The following ZFYVE19 variants were observed in gnomAD, a reference collection of about 807,000 sequenced individuals.
ZFYVE19 encodes the protein zinc finger FYVE-type containing 19.
A neutral mutation model predicts 62.8 loss-of-function variants in ZFYVE19; 49 were observed. That is an observed-to-expected ratio of 0.78 (90% CI 0.62 to 0.99). The LOEUF (loss-of-function observed/expected upper bound fraction) is 0.99, where lower values mean the gene tolerates loss of function less well. Among genes scored for constraint, ZFYVE19 ranks in the 50% least tolerant of loss-of-function variants. The pLI is 0.00. For synonymous variants in ZFYVE19, 242 were observed against 234.3 expected, an observed-to-expected ratio of 1.03 and a Z score of -0.30; for missense variants, 630 against 601.9, an observed-to-expected ratio of 1.05 and a Z score of -0.49.
chr15:40,814,662 G>A lies in ZFYVE19; in HGVS notation c.*436G>A, dbSNP rs189473635. On this transcript the variant is annotated 3_prime_UTR_variant, in exon 11 of 11. Transcript: ENST00000355341. The stretch of plus-strand genomic sequence containing the variant: ...TGTAAGCACAGTTGTGGGGAATGGG[G>A]GAAAAGGTTGAGCCATCCTATGAAC... 8.6e-4 allele frequency: 170 copies of A among 198,766 alleles called. No homozygotes were observed. Among genetic ancestry groups the A allele is most frequent in the African/African-American group, 3.7e-3 (160 of 42,784 alleles). The allele number at this position is 198,766 out of a possible 1,614,324, so 12.3% of individuals were successfully genotyped here.
Position 40,813,381 on chromosome 15 carries a change from G to A in ZFYVE19, c.1074G>A (p.Glu358=). 6.2e-7 allele frequency: 1 copy of A among 1,611,854 alleles called. No individual in the cohort carries two copies. Among genetic ancestry groups the A allele is most frequent in the Non-Finnish European group, 8.5e-7 (1 of 1,179,078 alleles). ...GCCTCCCAGACAGTGATGACGACGA[G>A]GATGAGGAGACAGCCATCCAAAGAG... is the stretch of plus-strand genomic sequence containing the variant. ...DYRLPDSDDD[E]DEETAIQRVL... is the part of the protein sequence containing the mutation. The change falls in exon 8 of 11, where the codon GAG becomes GAA. Residue 358 remains glutamate, a synonymous_variant. Transcript: ENST00000355341.
Position 40,813,381 on chromosome 15 carries a change from G to C in ZFYVE19, c.1074G>C (p.Glu358Asp). The C allele has an allele frequency of 1.2e-6, 2 of 1,611,854 alleles. No individual in the cohort carries two copies. Among genetic ancestry groups the C allele is most frequent in the Non-Finnish European group, 1.7e-6 (2 of 1,179,078 alleles). ...GCCTCCCAGACAGTGATGACGACGA[G>C]GATGAGGAGACAGCCATCCAAAGAG... The part of the protein sequence containing the change: ...DYRLPDSDDD[E>D]DEETAIQRVL... The change falls in exon 8 of 11, where the codon GAG (glutamate) becomes GAC (aspartate). Residue 358 changes from glutamate to aspartate, a missense_variant. Physicochemically the swap from Glu to Asp is conservative, Grantham distance 45 (BLOSUM62 2). Transcript: ENST00000355341.
chr15:40,814,646 A>C lies in ZFYVE19; in HGVS notation c.*420A>C, dbSNP rs1890613622. 1 of 214,152 alleles carries C rather than the reference A, an allele frequency of 4.7e-6. No homozygotes were observed. Among genetic ancestry groups the C allele is most frequent in the Non-Finnish European group, 9.6e-6 (1 of 104,508 alleles). 13.3% of individuals were successfully genotyped at this position (214,152 alleles called of 1,614,324 possible). A position where few individuals can be genotyped will look rare whatever the true frequency, so the allele number is the denominator to read the frequency against. On this transcript the variant is annotated 3_prime_UTR_variant, in exon 11 of 11. Coordinates refer to ENST00000355341, the MANE Select transcript of ZFYVE19 (RefSeq NM_001077268.2). Reference sequence around the variant, plus strand: ...CAGGAACAGAGCAGGCTGTAAGCACAGTTGTGGGGAATGGGGGAAAAGGTT... The same window carrying C: ...CAGGAACAGAGCAGGCTGTAAGCACCGTTGTGGGGAATGGGGGAAAAGGTT...
Position 40,807,783 on chromosome 15 carries a change from G to A in ZFYVE19, c.194G>A (p.Ser65Asn), listed in dbSNP as rs764911700. Residue 65 changes from serine to asparagine, a missense_variant, in exon 1 of 11, where the codon AGC becomes AAC. Coordinates refer to ENST00000355341, the MANE Select transcript of ZFYVE19 (RefSeq NM_001077268.2). ...RGPGLGRRDLSSADPAVLGAT... is the reference protein window; with the variant it reads ...RGPGLGRRDLNSADPAVLGAT... ...CCAGGACTTGGCCGGCGTGATCTCA[G>A]CTCTGCAGACCCTGCGGTGCTGGGA... The A allele has an allele frequency of 6.3e-6, 10 of 1,577,764 alleles. No homozygotes were observed. The East Asian group carries it at 2.2e-4, about 35-fold the overall frequency.
In ZFYVE19 at chr15:40,809,233, C is replaced by T; in HGVS notation, c.394C>T (p.Leu132=). 6.2e-7 allele frequency: 1 copy of T among 1,614,198 alleles called. No homozygotes were observed. Residue 132 remains leucine, a synonymous_variant, in exon 2 of 11, where the codon CTG becomes TTG. Coordinates refer to ENST00000355341, the MANE Select transcript of ZFYVE19 (RefSeq NM_001077268.2). ...AGTCTGCAAGCAATGCCATGAGGTCCTGACCAGGTAAGAGGCAGGCATGGG... is the reference window on the plus strand; with the variant it reads ...AGTCTGCAAGCAATGCCATGAGGTCTTGACCAGGTAAGAGGCAGGCATGGG... ...QKVCKQCHEV[L]TRGSSANASK... is the part of the protein sequence containing the mutation.
At chr15:40,810,301 A>G (rs1426871130) in intron 5 of ZFYVE19, 85 bp downstream of exon 5, 2 of 1,541,334 alleles carry the variant, frequency 1.3e-6, no homozygotes, top group Non-Finnish European at 1.7e-6. Flanking sequence ...GGGTGATACA[A>G]AAGTAATTGT....
chr15:40,809,255 T>G lies in ZFYVE19; in HGVS notation c.401+15T>G, dbSNP rs773997279. ...GTCCTGACCAGGTAAGAGGCAGGCATGGGTGAAAGTTCAGCCAAGTATGGC... is the reference window on the plus strand; with the variant it reads ...GTCCTGACCAGGTAAGAGGCAGGCAGGGGTGAAAGTTCAGCCAAGTATGGC... On this transcript the variant is annotated intron_variant, in intron 2 of 10. Transcript: ENST00000355341. 1.7e-5 allele frequency: 28 copies of G among 1,613,632 alleles called. No homozygotes were observed. In the African/African-American group the frequency reaches 2.1e-4, roughly 12 times the overall value.
In ZFYVE19 at chr15:40,813,937, C is replaced by G; in HGVS notation, c.1210-6C>G. Reference sequence around the variant, plus strand: ...TACTTCCTCCATTCCTCTCTGATCCCTGAAGGCCCAGGATGTGGACCCCAG... The same window carrying G: ...TACTTCCTCCATTCCTCTCTGATCCGTGAAGGCCCAGGATGTGGACCCCAG... On this transcript the variant is annotated splice_region_variant and splice_polypyrimidine_tract_variant and intron_variant, in intron 9 of 10. Transcript: ENST00000355341. 6.2e-7 allele frequency: 1 copy of G among 1,602,870 alleles called. No individual in the cohort carries two copies. The highest frequency in any genetic ancestry group is 1.1e-5 in the South Asian group (1 of 89,270).
In ZFYVE19 at chr15:40,808,143, C is replaced by T. The variant is rs116851582; in HGVS notation, c.279+275C>T. ...TTGCAAAGCTACTCTTTTCTGTCGG[C>T]CCAGTGTAGCATCTGGCGGTTTTCT... On this transcript the variant is annotated intron_variant, in intron 1 of 10. Transcript: ENST00000355341. 1.8e-3 allele frequency: 2,030 copies of T among 1,114,190 alleles called. 64 individuals are homozygous for T. In the East Asian group the frequency reaches 0.038, roughly 21 times the overall value. 69.0% of individuals were successfully genotyped at this position (1,114,190 alleles called of 1,614,324 possible).
intron 6 of ZFYVE19, 106 bp from the exon 7 acceptor site, chr15:40,812,593 A>T (rs1890527809): frequency 1.2e-6 from 1 of 808,126 alleles, no homozygotes; most frequent in Non-Finnish European, 1.9e-6. Context: ...AAGAAAGAAA[A>T]AATTATTAAA....
chr15:40,807,528 C>A lies in ZFYVE19; in HGVS notation c.-62C>A. ...ACTGCAGGCTCCGAGCGGCGCCTAG[C>A]CCTCTGGGAATTGTGTTCTGGGTCA... On this transcript the variant is annotated 5_prime_UTR_variant, in exon 1 of 11. Transcript: ENST00000355341. 6.2e-7 allele frequency: 1 copy of A among 1,604,902 alleles called. No homozygotes were observed. Among genetic ancestry groups the A allele is most frequent in the South Asian group, 1.1e-5 (1 of 90,202 alleles).
Position 40,814,607 on chromosome 15 carries a change from C to T in ZFYVE19, c.*381C>T. ...TTTCTACAACCCTATGAGCCTGGGC[C>T]CTGTGAGAGGTGGCAGGAACAGAGC... On this transcript the variant is annotated 3_prime_UTR_variant, in exon 11 of 11. Transcript: ENST00000355341. The T allele has an allele frequency of 1.1e-5, 3 of 276,380 alleles. 1 individual carries two copies. The highest frequency in any genetic ancestry group is 2.1e-5 in the Non-Finnish European group (3 of 140,836). The allele number at this position is 276,380 out of a possible 1,614,324, so 17.1% of individuals were successfully genotyped here. A position where few individuals can be genotyped will look rare whatever the true frequency, so the allele number is the denominator to read the frequency against.
intron 1 of ZFYVE19, chr15:40,808,084 T>A: frequency 1.1e-6 from 1 of 908,262 alleles, no homozygotes; most frequent in Non-Finnish European, 1.6e-6. Context: ...AGGTGAGAGT[T>A]CCCTATAAAC....
Position 40,807,547 on chromosome 15 carries a change from T to C in ZFYVE19, c.-43T>C. 8 of 1,604,540 alleles carry C rather than the reference T, an allele frequency of 5.0e-6. No homozygotes were observed. The highest frequency in any genetic ancestry group is 6.0e-6 in the Non-Finnish European group (7 of 1,174,032). On this transcript the variant is annotated 5_prime_UTR_variant, in exon 1 of 11. Transcript: ENST00000355341. ...GCCTAGCCCTCTGGGAATTGTGTTC[T>C]GGGTCAGGCTTGACTGACTCTGAGG...
At chr15:40,812,557 A>AAAAAAGAAAG in intron 6 of ZFYVE19, 142 bp from the exon 7 acceptor site, 1 of 464,446 alleles carries the variant, frequency 2.2e-6, no homozygotes, top group African/African-American at 2.5e-5. Flanking sequence ...AAAAAAAAAA[A>AAAAAAGAAAG]AAAGAAAGAA....
At position 40,807,661 on chromosome 15, in the gene ZFYVE19, C is replaced by T; in HGVS notation, c.72C>T (p.Phe24=). The change falls in exon 1 of 11, where the codon TTC becomes TTT. Residue 24 remains phenylalanine, a synonymous_variant. Transcript: ENST00000355341. ...CTGGCTGCAGGAGAGCGTCCGGATT[C>T]CCTGCTCTAGGTCGCGGCGGGACAG... ...PYAGCRRASG[F]PALGRGGTVP... The T allele has an allele frequency of 1.2e-6, 2 of 1,612,510 alleles. No individual in the cohort carries two copies. Among genetic ancestry groups the T allele is most frequent in the East Asian group, 4.5e-5 (2 of 44,878 alleles).
intron 9 of ZFYVE19, 33 bp from the exon 10 acceptor site, chr15:40,813,910 C>G: frequency 3.8e-6 from 6 of 1,592,238 alleles, no homozygotes; most frequent in South Asian, 1.1e-5. Flanking sequence ...CACTGGGTAC[C>G]TTACTTCCTC....
rs1890591881 is a variant in ZFYVE19, at chr15:40,814,067, TC to T, written c.1336del (p.Arg446GlufsTer61). 1.2e-6 allele frequency: 2 copies of T among 1,613,924 alleles called. No individual in the cohort carries two copies. The highest frequency in any genetic ancestry group is 1.7e-6 in the Non-Finnish European group (2 of 1,179,956). ...GGGGACCTCTTCTGTGCCCGCTGCT[TC>T]CGGTGGGTGCAGGTGGAATGTTCTG... is the stretch of plus-strand genomic sequence containing the variant. ...CDGDLFCARC[F>X]REGHDAFELK... On this transcript the variant is annotated frameshift_variant and splice_region_variant, in exon 10 of 11. Coordinates refer to ENST00000355341, the MANE Select transcript of ZFYVE19 (RefSeq NM_001077268.2). LOFTEE classifies it high-confidence loss of function.
Position 40,809,225 on chromosome 15 carries a change from A to G in ZFYVE19, c.386A>G (p.His129Arg). ...CAACAGAAAGTCTGCAAGCAATGCC[A>G]TGAGGTCCTGACCAGGTAAGAGGCA... ...NTQQKVCKQCHEVLTRGSSAN... is the reference protein window; with the variant it reads ...NTQQKVCKQCREVLTRGSSAN... The change falls in exon 2 of 11, where the codon CAT becomes CGT. Residue 129 changes from histidine (H) to arginine (R), a missense_variant. Physicochemically the swap from His to Arg is conservative, Grantham distance 29. Coordinates refer to ENST00000355341, the MANE Select transcript of ZFYVE19 (RefSeq NM_001077268.2). 6.2e-7 allele frequency: 1 copy of G among 1,614,224 alleles called. No individual in the cohort carries two copies. Among genetic ancestry groups the G allele is most frequent in the Non-Finnish European group, 8.5e-7 (1 of 1,180,042 alleles).
Sources: gnomAD v4.1 joint callset for allele counts on GRCh38, gnomAD v4.1.1 for gene constraint, MANE v1.5 for transcripts, NCBI Gene and HGNC (gene_info 2026-07-23, HGNC 2026-07-21) for gene names.